Variants in SNCAIP observed in about 807,000 individuals in gnomAD.
The protein encoded by SNCAIP is synuclein alpha interacting protein.
A neutral mutation model predicts 86.7 loss-of-function variants in SNCAIP; 43 were observed. That is an observed-to-expected ratio of 0.50 (90% CI 0.39 to 0.64). SNCAIP has a LOEUF of 0.64. Among genes scored for constraint, SNCAIP ranks in the 30% least tolerant of loss-of-function variants. SNCAIP has a pLI of 0.00. For missense variants in SNCAIP, 981 were observed against 1,103.1 expected, an observed-to-expected ratio of 0.89 and a Z score of 1.57; for synonymous variants, 417 against 427.2, an observed-to-expected ratio of 0.98 and a Z score of 0.29.
At chr5:122,459,529 G>A (rs1785607112) in intron 10 of SNCAIP, among the ~76,000 whole-genome samples, 1 of 152,146 alleles carries the variant, frequency 6.6e-6, no homozygotes, top group Non-Finnish European at 1.5e-5. Flanking sequence ...TTGGGACTAG[G>A]TAATTGAAGG....
At chr5:122,313,561 C>T (rs930990566) in intron 1 of SNCAIP, among the ~76,000 whole-genome samples, 2 of 152,228 alleles carry the variant, frequency 1.3e-5, no homozygotes, top group Admixed American at 1.3e-4. Flanking sequence ...GGGTTGAAAT[C>T]TGTATTTCAT....
chr5:122,416,322 A>T (rs1387648631), intron 3 of SNCAIP, among the ~76,000 whole-genome samples: 1 of 152,202 alleles, frequency 6.6e-6, no homozygotes, highest in Non-Finnish European at 1.5e-5. Flanking sequence ...CGCTTTCCCC[A>T]CAGTGTTTTA....
Position 122,378,717 on chromosome 5 carries a change from A to G in SNCAIP, c.-46-12372A>G, listed in dbSNP as rs879526366. Among the ~76,000 whole-genome samples the G allele has an allele frequency of 4.0e-3, 527 of 132,012 alleles. 33 individuals are homozygous for G. The highest frequency in any genetic ancestry group is 7.2e-3 in the Non-Finnish European group (436 of 60,930). The allele number at this position is 132,012 out of a possible 152,430, so 86.6% of individuals were successfully genotyped here. ...TAATCCATCTTGAATTGATTTTTGT[A>G]TAAGGTGTAAGGAAGGGATCCAGTT... On this transcript the variant is annotated intron_variant, in intron 1 of 10. Coordinates refer to ENST00000261368, the MANE Select transcript of SNCAIP (RefSeq NM_005460.4).
intron 1 of SNCAIP, among the ~76,000 whole-genome samples, chr5:122,378,634 G>T (rs1765923534): frequency 7.3e-6 from 1 of 137,572 alleles, no homozygotes; most frequent in Admixed American, 7.1e-5. Flanking sequence ...GTCCTGAATG[G>T]TAATGCCTAG....
At chr5:122,385,879 G>A (rs1220318806) in intron 1 of SNCAIP, among the ~76,000 whole-genome samples, 2 of 152,168 alleles carry the variant, frequency 1.3e-5, no homozygotes, top group Non-Finnish European at 2.9e-5. Flanking sequence ...TAGTATACTG[G>A]TAAATGGAGC....
chr5:122,408,593 C>T (rs1419763136), intron 3 of SNCAIP, among the ~76,000 whole-genome samples: 1 of 152,190 alleles, frequency 6.6e-6, no homozygotes, highest in East Asian at 1.9e-4. Flanking sequence ...ATATTTTAAA[C>T]TATTCTCCAT....
chr5:122,328,980 G>A (rs1007088206), intron 1 of SNCAIP, among the ~76,000 whole-genome samples: 14 of 152,044 alleles, frequency 9.2e-5, no homozygotes, highest in Middle Eastern at 3.4e-3. Flanking sequence ...AACCTCTGCC[G>A]TTACTCAAGT....
intron 1 of SNCAIP, among the ~76,000 whole-genome samples, chr5:122,322,172 G>A (rs1446487828): frequency 6.6e-6 from 1 of 152,206 alleles, no homozygotes; most frequent in African/African-American, 2.4e-5. Flanking sequence ...CTCCCTCTGA[G>A]AGAACTGGAG....
chr5:122,331,845 C>A (rs1755411806), intron 1 of SNCAIP, among the ~76,000 whole-genome samples: 1 of 152,210 alleles, frequency 6.6e-6, no homozygotes, highest in South Asian at 2.1e-4. Context: ...TCTATCTCCC[C>A]CACCAAAATA....
chr5:122,461,962 C>T (rs774048677), intron 10 of SNCAIP, among the ~76,000 whole-genome samples: 2 of 152,208 alleles, frequency 1.3e-5, no homozygotes, highest in Non-Finnish European at 2.9e-5. Flanking sequence ...AGCCACCATG[C>T]CCGGCTTTTA....
At chr5:122,408,592 A>G (rs1288403935) in intron 3 of SNCAIP, among the ~76,000 whole-genome samples, 2 of 152,180 alleles carry the variant, frequency 1.3e-5, no homozygotes, top group African/African-American at 4.8e-5. Flanking sequence ...AATATTTTAA[A>G]CTATTCTCCA....
chr5:122,318,966 CTT>C lies in SNCAIP; in HGVS notation c.-47+6703_-47+6704del, dbSNP rs58667095. On this transcript the variant is annotated intron_variant, in intron 1 of 10. Transcript: ENST00000261368. ...AGGTAGGAGGCGTCACTGTTATCAT[CTT>C]TTTTTTTTTTTTTTTTTTTTAACAG... Among the ~76,000 whole-genome samples, 172 of 130,642 alleles carry C rather than the reference CTT, an allele frequency of 1.3e-3. 2 individuals are homozygous for C. The highest frequency in any genetic ancestry group is 4.2e-3 in the African/African-American group (157 of 37,232). 85.7% of individuals were successfully genotyped at this position (130,642 alleles called of 152,430 possible). A position where few individuals can be genotyped will look rare whatever the true frequency, so the allele number is the denominator to read the frequency against.
intron 6 of SNCAIP, among the ~76,000 whole-genome samples, chr5:122,439,476 G>C (rs1780309910): frequency 6.6e-6 from 1 of 152,178 alleles, no homozygotes; most frequent in South Asian, 2.1e-4. Flanking sequence ...GTCTCTCCCT[G>C]ATGTCACAAA....
At chr5:122,454,608 A>T (rs989500266) in intron 10 of SNCAIP, 2 of 152,362 alleles carry the variant, frequency 1.3e-5, no homozygotes, top group Non-Finnish European at 2.9e-5. Flanking sequence ...TGGGTTCCTC[A>T]CCCCTATGCC....
At chr5:122,335,655 G>A (rs1756287695) in intron 1 of SNCAIP, among the ~76,000 whole-genome samples, 1 of 152,172 alleles carries the variant, frequency 6.6e-6, no homozygotes, top group Non-Finnish European at 1.5e-5. Flanking sequence ...AGGAGTCAGA[G>A]CAGGCAAAAG....
intron 3 of SNCAIP, among the ~76,000 whole-genome samples, chr5:122,408,706 C>G (rs1773520939): frequency 6.6e-6 from 1 of 152,084 alleles, no homozygotes; most frequent in African/African-American, 2.4e-5. Flanking sequence ...GGGAAGGAAG[C>G]AAAAAACTAG....
In SNCAIP at chr5:122,422,957, C is replaced by T. The variant is rs774945324; in HGVS notation, c.220C>T (p.Arg74Cys). Residue 74 changes from arginine to cysteine, a missense_variant, in exon 4 of 11, where the codon CGC (arginine) becomes TGC (cysteine). By Grantham distance (180) the Arg-to-Cys change is radical. Transcript: ENST00000261368. ...TGIADVYSKF[R>C]PVKRVSPLKH... The stretch of plus-strand genomic sequence containing the variant: ...AATCGCTGATGTGTACAGTAAGTTC[C>T]GCCCAGTGAAGCGGGTTTCGCCACT... 4 of 1,614,118 alleles carry T rather than the reference C, an allele frequency of 2.5e-6. No homozygotes were observed. Among genetic ancestry groups the T allele is most frequent in the South Asian group, 1.1e-5 (1 of 91,080 alleles).
chr5:122,358,384 G>C (rs1761550376), intron 1 of SNCAIP, among the ~76,000 whole-genome samples: 2 of 119,106 alleles, frequency 1.7e-5, no homozygotes, highest in East Asian at 4.9e-4. Flanking sequence ...GGCCCTGTAA[G>C]GGGACACTTG....
At chr5:122,463,449 T>C (rs778655633) in intron 10 of SNCAIP, 42 bp from the exon 11 acceptor site, 19 of 1,149,924 alleles carry the variant, frequency 1.7e-5, no homozygotes, top group Non-Finnish European at 2.4e-5. Context: ...AACTTGACCA[T>C]AGTTTTATCT....
Sources: gnomAD v4.1 joint callset for allele counts (sites outside exome capture counted in the v4.1 genomes callset) on GRCh38, gnomAD v4.1.1 for gene constraint, MANE v1.5 for transcripts, NCBI Gene and HGNC (gene_info 2026-07-23, HGNC 2026-07-21) for gene names.